Variants in PELI2 observed in about 807,000 individuals in gnomAD.
PELI2 encodes E3 ubiquitin-protein ligase pellino homolog 2.
Under a neutral mutation model 42.3 loss-of-function variants are expected in PELI2, and 23 were observed. The observed-to-expected ratio is 0.54, with a 90% CI of 0.39 to 0.77. PELI2 has a LOEUF of 0.77. Among genes scored for constraint, PELI2 ranks in the 30% least tolerant of loss-of-function variants. The pLI is 0.00. For missense variants in PELI2, 463 were observed against 553.2 expected, an observed-to-expected ratio of 0.84 and a Z score of 1.64; for synonymous variants, 245 against 212.2, an observed-to-expected ratio of 1.15 and a Z score of -1.34.
At chr14:56,234,868 G>A (rs1887732258) in intron 2 of PELI2, among the ~76,000 whole-genome samples, 1 of 152,144 alleles carries the variant, frequency 6.6e-6, no homozygotes, top group African/African-American at 2.4e-5. Context: ...GGTTCCACTT[G>A]TGCATAGCAT....
chr14:56,156,408 A>T (rs1884567881), intron 1 of PELI2, among the ~76,000 whole-genome samples: 1 of 152,168 alleles, frequency 6.6e-6, no homozygotes. Context: ...AGAGAGAGAG[A>T]GTTTGAGAAT....
At chr14:56,120,174 A>G (rs1245676402) in intron 1 of PELI2, among the ~76,000 whole-genome samples, 1 of 152,234 alleles carries the variant, frequency 6.6e-6, no homozygotes, top group East Asian at 1.9e-4. Flanking sequence ...GTTCACAGGA[A>G]GGCGGGAGGA....
rs563721583 is a variant in PELI2, at chr14:56,143,333, A to G, written c.77+24596A>G. 1.6e-3 allele frequency among the ~76,000 whole-genome samples: 244 copies of G among 152,366 alleles called. 2 individuals carry two copies. The highest frequency in any genetic ancestry group is 2.3e-3 in the Non-Finnish European group (158 of 68,040). The stretch of plus-strand genomic sequence containing the variant: ...CATACAAATGATGATGAAATGTCTT[A>G]CCTTGATCACTTAGTGAAGGTGATG... On this transcript the variant is annotated intron_variant, in intron 1 of 5. Coordinates refer to ENST00000267460, the MANE Select transcript of PELI2 (RefSeq NM_021255.3).
chr14:56,268,877 C>T (rs563253123), intron 2 of PELI2, among the ~76,000 whole-genome samples: 2 of 152,232 alleles, frequency 1.3e-5, no homozygotes, highest in East Asian at 3.9e-4. Flanking sequence ...TGCATCGTCT[C>T]ATGCTTTGTA....
intron 2 of PELI2, among the ~76,000 whole-genome samples, chr14:56,241,685 G>C (rs1214770487): frequency 6.6e-6 from 1 of 152,156 alleles, no homozygotes; most frequent in African/African-American, 2.4e-5. Flanking sequence ...GGATAAAGGG[G>C]AGATAGTAAA....
intron 2 of PELI2, among the ~76,000 whole-genome samples, chr14:56,203,141 A>G (rs1213681768): frequency 6.6e-6 from 1 of 152,204 alleles, no homozygotes; most frequent in African/African-American, 2.4e-5. Flanking sequence ...AGGGGTGACC[A>G]GCCTGGCCAA....
chr14:56,212,566 G>A (rs1463184899), intron 2 of PELI2, among the ~76,000 whole-genome samples: 1 of 152,150 alleles, frequency 6.6e-6, no homozygotes, highest in East Asian at 1.9e-4. Context: ...GGCTTTCTGA[G>A]GACAACTGAA....
intron 5 of PELI2, chr14:56,292,690 G>T (rs1178882899): frequency 2.9e-6 from 2 of 684,896 alleles, no homozygotes; most frequent in Non-Finnish European, 3.6e-6. Flanking sequence ...TGTGTAACAA[G>T]AAATCACCGT....
At chr14:56,191,207 A>G (rs998302178) in intron 2 of PELI2, among the ~76,000 whole-genome samples, 2 of 152,230 alleles carry the variant, frequency 1.3e-5, no homozygotes, top group Non-Finnish European at 2.9e-5. Context: ...AAGAAAGGCC[A>G]CATAACTGAT....
intron 2 of PELI2, among the ~76,000 whole-genome samples, chr14:56,241,775 G>T (rs1481851083): frequency 1.3e-5 from 2 of 152,182 alleles, no homozygotes; most frequent in Non-Finnish European, 2.9e-5. Context: ...TGATAAAGCT[G>T]CACGCTACTT....
In PELI2 at chr14:56,133,346, A is replaced by G. The variant is rs889154153; in HGVS notation, c.77+14609A>G. Among the ~76,000 whole-genome samples, 5 of 152,336 alleles carry G rather than the reference A, an allele frequency of 3.3e-5. 1 individual carries two copies. In the South Asian group the frequency reaches 1.0e-3, roughly 32 times the overall value. ...TTCGGCAAGTTGAGGGGGCAGCATC[A>G]GGAATTGCCATGTGATTTCTAAGGT... On this transcript the variant is annotated intron_variant, in intron 1 of 5. Transcript: ENST00000267460.
rs995369549 is a variant in PELI2 at position 56,226,292 on chromosome 14, T to C, written c.207+47828T>C. Among the ~76,000 whole-genome samples, 6 of 152,326 alleles carry C rather than the reference T, an allele frequency of 3.9e-5. No homozygotes were observed. The East Asian group carries it at 1.2e-3, about 29-fold the overall frequency. The stretch of plus-strand genomic sequence containing the variant: ...AGGCTGCTTCTCCATTCCTTCCATT[T>C]GCTTTTCACCCCTGCCCACCTCACT... On this transcript the variant is annotated intron_variant, in intron 2 of 5. Transcript: ENST00000267460.
intron 2 of PELI2, among the ~76,000 whole-genome samples, chr14:56,227,647 C>G (rs7158482): frequency 0.4 from 60,811 of 151,998 alleles, 12,966 homozygotes; most frequent in South Asian, 0.53. Flanking sequence ...GCTGGCGAAG[C>G]CTGGGAGCAG....
intron 2 of PELI2, among the ~76,000 whole-genome samples, chr14:56,183,067 T>C (rs1479916174): frequency 6.6e-6 from 1 of 152,204 alleles, no homozygotes; most frequent in Non-Finnish European, 1.5e-5. Flanking sequence ...GTTTCTTTCA[T>C]TGTTACTGCA....
chr14:56,246,571 G>T (rs1888169498), intron 2 of PELI2, among the ~76,000 whole-genome samples: 2 of 152,296 alleles, frequency 1.3e-5, no homozygotes, highest in South Asian at 2.1e-4. Flanking sequence ...TGATTAGAGT[G>T]ATTTTTTTGT....
intron 2 of PELI2, among the ~76,000 whole-genome samples, chr14:56,212,149 C>T (rs1020130637): frequency 1.3e-5 from 2 of 152,086 alleles, no homozygotes; most frequent in African/African-American, 4.8e-5. Context: ...ACAGAGACCC[C>T]GTTTTCTTAG....
At chr14:56,286,097 A>G (rs527330074) in intron 3 of PELI2, among the ~76,000 whole-genome samples, 1 of 152,336 alleles carries the variant, frequency 6.6e-6, no homozygotes, top group Non-Finnish European at 1.5e-5. Flanking sequence ...AACAGCAACT[A>G]TACTGGTCCT....
At chr14:56,283,301 C>T (rs915263327) in intron 3 of PELI2, among the ~76,000 whole-genome samples, 10 of 152,098 alleles carry the variant, frequency 6.6e-5, no homozygotes, top group Non-Finnish European at 1.3e-4. Flanking sequence ...TACAGAATAT[C>T]GAAAGACTCA....
At chr14:56,126,305 C>T (rs1883257018) in intron 1 of PELI2, among the ~76,000 whole-genome samples, 1 of 152,104 alleles carries the variant, frequency 6.6e-6, no homozygotes, top group Admixed American at 6.5e-5. Context: ...GGATGACAGA[C>T]CTAATAAATA....
Sources: gnomAD v4.1 joint callset for allele counts (sites outside exome capture counted in the v4.1 genomes callset) on GRCh38, gnomAD v4.1.1 for gene constraint, MANE v1.5 for transcripts, NCBI Gene and HGNC (gene_info 2026-07-23, HGNC 2026-07-21) for gene names.